The following AKAP13 variants were observed in gnomAD, a reference collection of about 807,000 sequenced individuals.
AKAP13 encodes A-kinase anchoring protein 13.
Under a neutral mutation model 264.5 loss-of-function variants are expected in AKAP13, and 80 were observed. The observed-to-expected ratio is 0.30, with a 90% CI of 0.25 to 0.36. The LOEUF (loss-of-function observed/expected upper bound fraction) is 0.36. Ranked by LOEUF, AKAP13 falls within the 10% of genes least tolerant of loss-of-function variation. AKAP13 has a pLI of 1.00. For synonymous variants in AKAP13, 1,380 were observed against 1,250.2 expected, an observed-to-expected ratio of 1.10 and a Z score of -2.19; for missense variants, 3,712 against 3,435.2, an observed-to-expected ratio of 1.08 and a Z score of -2.01.
intron 8 of AKAP13, among the ~76,000 whole-genome samples, chr15:85,613,696 A>ATATATATATATGTATG (rs2080797343): frequency 1.2e-5 from 1 of 86,272 alleles, no homozygotes; most frequent in South Asian, 6.0e-4. Context: ...AAAAAAATAT[A>ATATATATATATGTATG]TATATATATA....
chr15:85,421,893 A>C (rs1898205147), intron 1 of AKAP13, among the ~76,000 whole-genome samples: 1 of 152,248 alleles, frequency 6.6e-6, no homozygotes, highest in African/African-American at 2.4e-5. Flanking sequence ...AATTTGGTTT[A>C]TAATGTCACC....
intron 8 of AKAP13, among the ~76,000 whole-genome samples, chr15:85,595,071 T>C (rs899895300): frequency 6.6e-6 from 1 of 152,176 alleles, no homozygotes; most frequent in Non-Finnish European, 1.5e-5. Context: ...GGACAAATTA[T>C]TGCATCAAAT....
intron 1 of AKAP13, among the ~76,000 whole-genome samples, chr15:85,388,442 TA>T (rs1299167708): frequency 2.0e-5 from 3 of 152,088 alleles, no homozygotes; most frequent in Non-Finnish European, 4.4e-5. Context: ...TTCCTGATGT[TA>T]GAGGGGAAAA....
chr15:85,618,253 A>G (rs760030572), intron 8 of AKAP13, among the ~76,000 whole-genome samples: 4 of 152,176 alleles, frequency 2.6e-5, no homozygotes, highest in African/African-American at 9.7e-5. Flanking sequence ...CAACTCATCT[A>G]TACCCTTTTT....
intron 8 of AKAP13, among the ~76,000 whole-genome samples, chr15:85,600,840 G>T (rs917427303): frequency 6.6e-6 from 1 of 152,184 alleles, no homozygotes; most frequent in Non-Finnish European, 1.5e-5. Context: ...TTAGCATTGT[G>T]TCTGTGGCTC....
At chr15:85,437,899 A>G (rs2073394153) in intron 1 of AKAP13, among the ~76,000 whole-genome samples, 1 of 150,364 alleles carries the variant, frequency 6.7e-6, no homozygotes, top group Admixed American at 6.6e-5. Context: ...CCCTTTGAAA[A>G]CTGGCACAAG....
At chr15:85,618,502 T>C (rs564871947) in intron 8 of AKAP13, among the ~76,000 whole-genome samples, 1 of 152,230 alleles carries the variant, frequency 6.6e-6, no homozygotes, top group East Asian at 1.9e-4. Context: ...CCTTTCTGCT[T>C]TTTGCTTCCC....
intron 35 of AKAP13, among the ~76,000 whole-genome samples, chr15:85,742,438 T>C (rs771696350): frequency 6.6e-6 from 1 of 152,124 alleles, no homozygotes; most frequent in Admixed American, 6.5e-5. Flanking sequence ...GAAGAACCCA[T>C]GTGGCAGGAT....
At chr15:85,416,759 T>A (rs2072259884) in intron 1 of AKAP13, among the ~76,000 whole-genome samples, 1 of 152,176 alleles carries the variant, frequency 6.6e-6, no homozygotes, top group South Asian at 2.1e-4. Flanking sequence ...TGAAAACCAG[T>A]ATGTTCACTC....
chr15:85,446,177 A>T (rs946241479), intron 1 of AKAP13, among the ~76,000 whole-genome samples: 6 of 152,100 alleles, frequency 3.9e-5, no homozygotes, highest in Admixed American at 2.0e-4. Context: ...TTGACCAGAG[A>T]ATTGACACAT....
chr15:85,650,791 C>CAAAAAAAAAAAAAAAAAAA (rs1191739643), intron 10 of AKAP13, among the ~76,000 whole-genome samples: 1 of 65,150 alleles, frequency 1.5e-5, no homozygotes, highest in Non-Finnish European at 3.1e-5. Context: ...AAAAAAAAAA[C>CAAAAAAAAAAAAAAAAAAA]AACAAAAACT....
At chr15:85,638,803 C>T (rs1449817867) in intron 8 of AKAP13, among the ~76,000 whole-genome samples, 2 of 151,704 alleles carry the variant, frequency 1.3e-5, no homozygotes, top group Non-Finnish European at 2.9e-5. Flanking sequence ...TCCGCCCAGG[C>T]TGGAGTGCAG....
At chr15:85,518,636 C>A (rs1183690216) in intron 2 of AKAP13, among the ~76,000 whole-genome samples, 3 of 152,128 alleles carry the variant, frequency 2.0e-5, no homozygotes, top group Non-Finnish European at 4.4e-5. Flanking sequence ...AGTTTGAGAC[C>A]ATCCTGGGCA....
At chr15:85,453,746 T>A (rs1330193516) in intron 1 of AKAP13, among the ~76,000 whole-genome samples, 3 of 152,008 alleles carry the variant, frequency 2.0e-5, no homozygotes, top group Non-Finnish European at 2.9e-5. Context: ...GCAAAGATGG[T>A]AGCCACCCCT....
At chr15:85,627,470 T>G (rs2081471426) in intron 8 of AKAP13, 1 of 152,324 alleles carries the variant, frequency 6.6e-6, no homozygotes, top group African/African-American at 2.4e-5. Context: ...CTTTTGTGTC[T>G]CAGATACTGT....
At chr15:85,423,100 G>A (rs553264979) in intron 1 of AKAP13, among the ~76,000 whole-genome samples, 10 of 152,314 alleles carry the variant, frequency 6.6e-5, no homozygotes, top group East Asian at 1.9e-4. Context: ...TCAACAAGTC[G>A]TGATCTTTTT....
chr15:85,642,499 A>G (rs2082352301), intron 9 of AKAP13, among the ~76,000 whole-genome samples: 1 of 152,252 alleles, frequency 6.6e-6, no homozygotes, highest in African/African-American at 2.4e-5. Flanking sequence ...AATTCATGTG[A>G]CACAGGGTGT....
At chr15:85,459,121 G>T (rs1348661328) in intron 1 of AKAP13, among the ~76,000 whole-genome samples, 1 of 152,080 alleles carries the variant, frequency 6.6e-6, no homozygotes, top group East Asian at 1.9e-4. Context: ...GTTATCCTTT[G>T]ACTGTATCAA....
At chr15:85,542,582 AAG>A (rs1309259963) in intron 4 of AKAP13, among the ~76,000 whole-genome samples, 1 of 152,188 alleles carries the variant, frequency 6.6e-6, no homozygotes, top group Non-Finnish European at 1.5e-5. Context: ...GCCATGAAGA[AAG>A]AGATGATAGC....
Sources: gnomAD v4.1 joint callset for allele counts (sites outside exome capture counted in the v4.1 genomes callset) on GRCh38, gnomAD v4.1.1 for gene constraint, MANE v1.5 for transcripts, NCBI Gene and HGNC (gene_info 2026-07-23, HGNC 2026-07-21) for gene names.